Variants in MASP1 observed in about 807,000 individuals in gnomAD.
MASP1 encodes mannan-binding lectin serine protease 1.
MASP1 carries 59 observed loss-of-function variants against 77.1 expected under a neutral mutation model. The ratio of observed to expected loss-of-function variants is 0.77; its 90% CI spans 0.62 to 0.95. The LOEUF (loss-of-function observed/expected upper bound fraction) is 0.95. MASP1 is among the 40% of genes least tolerant of loss of function. The pLI, the probability that MASP1 is intolerant of heterozygous loss-of-function variation, is 0.00. For missense variants in MASP1, 885 were observed against 912.9 expected (o/e 0.97, Z 0.39); for synonymous variants, 362 against 354.5 (o/e 1.02, Z -0.24).
intron 2 of MASP1, among the ~76,000 whole-genome samples, chr3:187,272,523 G>A (rs2108585083): frequency 6.6e-6 from 1 of 152,238 alleles, no homozygotes; most frequent in African/African-American, 2.4e-5. Flanking sequence ...ACACTACAAA[G>A]GGTTAGAGTG....
chr3:187,228,792 G>T (rs767078577), intron 11 of MASP1, among the ~76,000 whole-genome samples: 7 of 152,150 alleles, frequency 4.6e-5, no homozygotes, highest in Non-Finnish European at 7.3e-5. Flanking sequence ...TTCTTTGAGT[G>T]AGACCATTCA....
At chr3:187,220,498 T>TTTC (rs1711989905) in intron 15 of MASP1, among the ~76,000 whole-genome samples, 1 of 139,942 alleles carries the variant, frequency 7.1e-6, no homozygotes, top group African/African-American at 2.7e-5. Flanking sequence ...TTTTCTTTCT[T>TTTC]TTTTTTTTTT....
At chr3:187,236,957 C>T (rs1713237766) in intron 10 of MASP1, among the ~76,000 whole-genome samples, 1 of 152,182 alleles carries the variant, frequency 6.6e-6, no homozygotes, top group African/African-American at 2.4e-5. Context: ...AGAAGTGGTC[C>T]ATGCTATGGG....
At chr3:187,225,034 TCTTA>T (rs1420463560) in intron 13 of MASP1, among the ~76,000 whole-genome samples, 9 of 152,212 alleles carry the variant, frequency 5.9e-5, no homozygotes, top group African/African-American at 2.2e-4. Context: ...AGCTCTTCCC[TCTTA>T]CTTCTCCAAT....
At chr3:187,267,703 C>T (rs1415890898) in intron 2 of MASP1, among the ~76,000 whole-genome samples, 1 of 152,196 alleles carries the variant, frequency 6.6e-6, no homozygotes, top group Non-Finnish European at 1.5e-5. Flanking sequence ...CTGCTTACAG[C>T]CAACAGCTTC....
At chr3:187,271,066 AC>A (rs1443941345) in intron 2 of MASP1, among the ~76,000 whole-genome samples, 1 of 152,254 alleles carries the variant, frequency 6.6e-6, no homozygotes, top group African/African-American at 2.4e-5. Context: ...GTGATTTGGG[AC>A]AAAGAATAGG....
intron 2 of MASP1, among the ~76,000 whole-genome samples, chr3:187,274,235 G>A (rs181610723): frequency 9.6e-4 from 146 of 152,030 alleles, no homozygotes; most frequent in African/African-American, 3.5e-3. Flanking sequence ...AAATAATGAT[G>A]ATGATAATAA....
In MASP1 at chr3:187,241,826, T is replaced by C. The variant is rs112033166; in HGVS notation, c.1229-271A>G. Reference sequence around the variant, plus strand: ...ACCCACAGGGCTACCATCCTAGTCCTTCTATCAAACTCCCTTTGCAACATG... The same window carrying C: ...ACCCACAGGGCTACCATCCTAGTCCCTCTATCAAACTCCCTTTGCAACATG... On this transcript the variant is annotated intron_variant, in intron 9 of 10. Transcript: ENST00000296280. 165 of 387,890 alleles carry C rather than the reference T, an allele frequency of 4.3e-4. No homozygotes were observed. The Middle Eastern group carries it at 0.012, about 28-fold the overall frequency. 24.0% of individuals were successfully genotyped at this position (387,890 alleles called of 1,614,324 possible).
intron 9 of MASP1, 66 bp from the exon 10 acceptor site, chr3:187,241,621 G>A (rs1713648153): frequency 6.7e-6 from 7 of 1,043,702 alleles, no homozygotes; most frequent in Non-Finnish European, 1.1e-5. Context: ...ATGGAAAATA[G>A]ATCTGGGTAT....
At position 187,234,590 on chromosome 3, in the gene MASP1, T is replaced by C. The variant is rs1276152747; in HGVS notation, c.*1094A>G. 2 of 1,287,216 alleles carry C rather than the reference T, an allele frequency of 1.6e-6. No individual in the cohort carries two copies. The highest frequency in any genetic ancestry group is 2.3e-5 in the Admixed American group (1 of 43,560). 79.7% of individuals were successfully genotyped at this position (1,287,216 alleles called of 1,614,324 possible). A position where few individuals can be genotyped will look rare whatever the true frequency, so the allele number is the denominator to read the frequency against. On this transcript the variant is annotated 3_prime_UTR_variant, in exon 11 of 11. Coordinates refer to ENST00000296280, the MANE Select transcript of MASP1 (RefSeq NM_139125.4). ...GGTGAGCCTCTGATTCCTTTGACTC[T>C]GAAAAATGAAGGAGTGGGTCCCTCT...
At chr3:187,231,210 T>C (rs1712744612), downstream of MASP1, among the ~76,000 whole-genome samples, 1 of 152,260 alleles carries the variant, frequency 6.6e-6, no homozygotes, top group South Asian at 2.1e-4. Context: ...AATTTTTCAC[T>C]CTGGATCTCT....
rs758931249 is a variant in MASP1 at position 187,235,629 on chromosome 3, G to A, written c.*55C>T. ...GATAAGTAATGTGGAGTGTGCTGTCGGAAGTGCGGTGTAGCTTCGCTCAGG... is the reference window on the plus strand; with the variant it reads ...GATAAGTAATGTGGAGTGTGCTGTCAGAAGTGCGGTGTAGCTTCGCTCAGG... On this transcript the variant is annotated 3_prime_UTR_variant, in exon 11 of 11. Transcript: ENST00000296280. The A allele has an allele frequency of 2.3e-5, 37 of 1,609,250 alleles. No individual in the cohort carries two copies. The highest frequency in any genetic ancestry group is 4.4e-5 in the South Asian group (4 of 90,974).
intron 3 of MASP1, among the ~76,000 whole-genome samples, 179 bp downstream of exon 3, chr3:187,262,364 G>GGATGGATAGAGGGTAGATA (rs1715655233): frequency 1.3e-5 from 2 of 152,206 alleles, no homozygotes; most frequent in South Asian, 4.1e-4. Flanking sequence ...ATGAATTGCT[G>GGATGGATAGAGGGTAGATA]GATGGATAGA....
At chr3:187,226,215 C>G (rs576379972) in intron 12 of MASP1, 1 of 614,028 alleles carries the variant, frequency 1.6e-6, no homozygotes, top group Admixed American at 2.4e-5. Context: ...GACTTCAATG[C>G]CTTCTCATGG....
chr3:187,239,320 G>A (rs958256894), intron 10 of MASP1, among the ~76,000 whole-genome samples: 1 of 152,036 alleles, frequency 6.6e-6, no homozygotes, highest in East Asian at 1.9e-4. Flanking sequence ...ACCATTGCAC[G>A]CAGCCTGGGC....
At chr3:187,275,515 A>C (rs1358042279) in intron 2 of MASP1, among the ~76,000 whole-genome samples, 1 of 152,198 alleles carries the variant, frequency 6.6e-6, no homozygotes, top group East Asian at 1.9e-4. Flanking sequence ...TGGAGCCGGC[A>C]GCTCACACCA....
intron 2 of MASP1, among the ~76,000 whole-genome samples, chr3:187,274,543 G>A (rs927644723): frequency 2.6e-5 from 4 of 152,194 alleles, no homozygotes; most frequent in Admixed American, 6.5e-5. Context: ...TATACCTGGC[G>A]GAGGAACAGA....
chr3:187,290,352 G>A (rs1718210362), intron 1 of MASP1, among the ~76,000 whole-genome samples: 1 of 152,322 alleles, frequency 6.6e-6, no homozygotes, highest in Admixed American at 6.5e-5. Flanking sequence ...ATGAGCATAT[G>A]CAAAGATACA....
At chr3:187,275,212 T>A (rs1278925577) in intron 2 of MASP1, among the ~76,000 whole-genome samples, 1 of 152,146 alleles carries the variant, frequency 6.6e-6, no homozygotes, top group African/African-American at 2.4e-5. Flanking sequence ...CGGCAGAAGC[T>A]GCGTGGCTCC....
Sources: allele counts gnomAD v4.1 joint callset (sites outside exome capture counted in the v4.1 genomes callset), GRCh38; gene constraint gnomAD v4.1.1; transcripts MANE v1.5; gene names NCBI Gene and HGNC (gene_info 2026-07-23, HGNC 2026-07-21).